Variants in BRCA1 observed in about 807,000 individuals in gnomAD.
BRCA1 encodes the protein BRCA1 DNA repair associated.
BRCA1 carries 140 observed loss-of-function variants against 173.7 expected under a neutral mutation model. That is an observed-to-expected ratio of 0.81 (90% CI 0.70 to 0.93). The LOEUF is 0.93. Among genes scored for constraint, BRCA1 ranks in the 40% least tolerant of loss-of-function variants. The pLI, the probability that BRCA1 is intolerant of heterozygous loss-of-function variation, is 0.00. For synonymous variants in BRCA1, 662 were observed against 756.0 expected (o/e 0.88, Z 2.04); for missense variants, 1,983 against 2,172.5 (o/e 0.91, Z 1.73).
At chr17:43,117,373 T>C (rs2055343395) in intron 2 of BRCA1, among the ~76,000 whole-genome samples, 1 of 151,880 alleles carries the variant, frequency 6.6e-6, no homozygotes, top group Non-Finnish European at 1.5e-5. Flanking sequence ...ATCCTGGAGG[T>C]GGAGGTTGCA....
chr17:43,079,199 CAA>C (rs963309205), intron 12 of BRCA1: 5 of 748,214 alleles, frequency 6.7e-6, no homozygotes, highest in South Asian at 1.5e-5. Context: ...CAAAACAAAA[CAA>C]AAAAAATGAA....
At position 43,071,151 on chromosome 17, in the gene BRCA1, G is replaced by A. The variant is rs759314330; in HGVS notation, c.4763C>T (p.Ala1588Val). 4.3e-6 allele frequency: 7 copies of A among 1,614,192 alleles called. No individual in the cohort carries two copies. In the South Asian group the frequency reaches 6.6e-5, roughly 15 times the overall value. ...DPSEDRAPESARVGNIPSSTS... is the reference protein window; with the variant it reads ...DPSEDRAPESVRVGNIPSSTS... ...TGAAGATGGTATGTTGCCAACACGA[G>A]CTGACTCTGGGGCTCTGTCTTCAGA... Residue 1588 changes from alanine to valine, a missense_variant, in exon 15 of 23, where the codon GCT becomes GTT. Ala to Val is a moderately conservative substitution (Grantham distance 64). Transcript: ENST00000357654.
chr17:43,071,656 T>C (rs989217111), intron 14 of BRCA1, among the ~76,000 whole-genome samples: 2 of 152,188 alleles, frequency 1.3e-5, no homozygotes, highest in Non-Finnish European at 2.9e-5. Context: ...GAAATGTTAC[T>C]AATATATTAA....
chr17:43,069,964 G>C (rs987485358), intron 15 of BRCA1, among the ~76,000 whole-genome samples: 2 of 152,000 alleles, frequency 1.3e-5, no homozygotes, highest in African/African-American at 4.8e-5. Flanking sequence ...ACAGAGTTTC[G>C]CTCTTGTTGC....
intron 1 of BRCA1, among the ~76,000 whole-genome samples, chr17:43,149,020 G>A (rs533090478): frequency 6.6e-6 from 1 of 152,158 alleles, no homozygotes; most frequent in Non-Finnish European, 1.5e-5. Flanking sequence ...ATCTGTGAAC[G>A]CTCAATCCCT....
intron 5 of BRCA1, 127 bp downstream of exon 5, chr17:43,104,741 A>G (rs1019384215): frequency 2.8e-5 from 23 of 821,434 alleles, no homozygotes; most frequent in Non-Finnish European, 4.5e-5. Flanking sequence ...AATAGATTAC[A>G]GATACAGAAC....
At chr17:43,131,256 G>A (rs1357015991) in intron 1 of BRCA1, 1 of 377,258 alleles carries the variant, frequency 2.7e-6, no homozygotes, top group Non-Finnish European at 5.7e-6. Flanking sequence ...ATACCTGGAT[G>A]AGGAAGATGA....
At chr17:43,118,462 C>T (rs901974301) in intron 2 of BRCA1, among the ~76,000 whole-genome samples, 15 of 151,644 alleles carry the variant, frequency 9.9e-5, no homozygotes, top group South Asian at 2.1e-4. Context: ...CTGTAACCTC[C>T]GCCTCCTGAA....
At chr17:43,127,037 G>C (rs36221749), upstream of BRCA1, among the ~76,000 whole-genome samples, 1 of 152,138 alleles carries the variant, frequency 6.6e-6, no homozygotes, top group Non-Finnish European at 1.5e-5. Flanking sequence ...AATTCTCACC[G>C]GGCCCCAGCC....
intron 1 of BRCA1, among the ~76,000 whole-genome samples, chr17:43,135,908 T>G (rs1355659025): frequency 6.6e-6 from 1 of 152,172 alleles, no homozygotes; most frequent in Non-Finnish European, 1.5e-5. Context: ...TCTCACACCC[T>G]CAGCACCCTG....
At chr17:43,085,977 G>A (rs1160990366) in intron 11 of BRCA1, among the ~76,000 whole-genome samples, 2 of 152,072 alleles carry the variant, frequency 1.3e-5, no homozygotes, top group African/African-American at 4.8e-5. Flanking sequence ...GCTTTATCAT[G>A]CTAGTTTTGT....
rs863224760 is a variant in BRCA1, at chr17:43,091,824, T to C, written c.3707A>G (p.Asn1236Ser). ...FQHLLFGKVN[N>S]IPSQSTRHST... is the part of the protein sequence containing the mutation. ...ATGCCTAGTAGACTGAGAAGGTATATTGTTTACTTTACCAAATAACAAGTG... is the reference window on the plus strand; with the variant it reads ...ATGCCTAGTAGACTGAGAAGGTATACTGTTTACTTTACCAAATAACAAGTG... The change falls in exon 10 of 23, where the codon AAT (asparagine) becomes AGT (serine). Residue 1236 changes from asparagine to serine, a missense_variant. Asn to Ser is a conservative substitution (Grantham distance 46). Coordinates refer to ENST00000357654, the MANE Select transcript of BRCA1 (RefSeq NM_007294.4). 5 of 1,614,072 alleles carry C rather than the reference T, an allele frequency of 3.1e-6. No individual in the cohort carries two copies. In the East Asian group the frequency reaches 8.9e-5, roughly 29 times the overall value.
At position 43,093,357 on chromosome 17, in the gene BRCA1, C is replaced by T. The variant is rs1555590284; in HGVS notation, c.2174G>A (p.Ser725Asn). The T allele has an allele frequency of 6.2e-7, 1 of 1,613,854 alleles. No homozygotes were observed. Residue 725 changes from serine to asparagine, a missense_variant, in exon 10 of 23, where the codon AGC becomes AAC. By Grantham distance (46) the Ser-to-Asn change is conservative. Transcript: ENST00000357654. Reference protein sequence around the residue: ...TSELKEFVNPSLPREEKEEKL... With the variant: ...TSELKEFVNPNLPREEKEEKL... ...CTCTTCTTTTTCTTCTCTTGGAAGG[C>T]TAGGATTGACAAATTCTTTAAGTTC...
chr17:43,151,457 A>G (rs769769601), intron 1 of BRCA1, among the ~76,000 whole-genome samples: 5 of 152,158 alleles, frequency 3.3e-5, no homozygotes, highest in South Asian at 4.1e-4. Context: ...GCGCATGCCT[A>G]TATTCCTAGC....
At chr17:43,071,309 A>G in intron 14 of BRCA1, 71 bp from the exon 15 acceptor site, 2 of 1,529,690 alleles carry the variant, frequency 1.3e-6, no homozygotes, top group Admixed American at 1.7e-5. Flanking sequence ...GTCTCTGTTA[A>G]GAATTAAAAA....
chr17:43,151,547 C>T (rs1028706916), intron 1 of BRCA1, among the ~76,000 whole-genome samples: 1 of 152,090 alleles, frequency 6.6e-6, no homozygotes, highest in Admixed American at 6.6e-5. Context: ...CAGAAATGTT[C>T]CTATTATAAA....
At chr17:43,129,449 C>T (rs750947856), upstream of BRCA1, among the ~76,000 whole-genome samples, 2 of 152,102 alleles carry the variant, frequency 1.3e-5, no homozygotes, top group Non-Finnish European at 2.9e-5. Flanking sequence ...ATTTCCCTAA[C>T]GAGTAGGGAA....
intron 1 of BRCA1, chr17:43,140,298 A>G (rs953050625): frequency 5.9e-6 from 1 of 169,144 alleles, no homozygotes; most frequent in Non-Finnish European, 1.3e-5. Context: ...CCTTTAAAAT[A>G]TCCTTTGTAA....
chr17:43,167,680 G>C (rs2056276852), intron 1 of BRCA1: 1 of 152,026 alleles, frequency 6.6e-6, no homozygotes, highest in Admixed American at 6.6e-5. Context: ...GACAATATGA[G>C]GGGTGGTCTC....
Sources: allele counts gnomAD v4.1 joint callset (sites outside exome capture counted in the v4.1 genomes callset), GRCh38; gene constraint gnomAD v4.1.1; transcripts MANE v1.5; gene names NCBI Gene and HGNC (gene_info 2026-07-23, HGNC 2026-07-21).